STX12: variants seen among roughly 807,000 people sequenced by gnomAD.
The protein encoded by STX12 is syntaxin-12.
Under a neutral mutation model 42.2 loss-of-function variants are expected in STX12, and 17 were observed. The observed-to-expected ratio is 0.40, with a 90% CI of 0.28 to 0.60. The LOEUF is 0.60. Ranked by LOEUF, STX12 falls within the 20% of genes least tolerant of loss-of-function variation. The pLI, the probability that STX12 is intolerant of heterozygous loss-of-function variation, is 0.39. For synonymous variants in STX12, 108 were observed against 116.7 expected (o/e 0.93, Z 0.48); for missense variants, 297 against 330.9 (o/e 0.90, Z 0.79).
At chr1:27,807,793 C>G (rs551201887) in intron 4 of STX12, among the ~76,000 whole-genome samples, 1 of 152,204 alleles carries the variant, frequency 6.6e-6, no homozygotes, top group South Asian at 2.1e-4. Context: ...AGATGTCTGT[C>G]AACTGTAGAA....
At chr1:27,812,452 T>G (rs2088909739) in intron 6 of STX12, among the ~76,000 whole-genome samples, 184 bp downstream of exon 6, 1 of 151,954 alleles carries the variant, frequency 6.6e-6, no homozygotes, top group African/African-American at 2.4e-5. Context: ...TGTTTTTTTT[T>G]TTATCTTGGA....
At chr1:27,774,430 G>A (rs138518627) in intron 1 of STX12, among the ~76,000 whole-genome samples, 6 of 152,282 alleles carry the variant, frequency 3.9e-5, no homozygotes, top group Admixed American at 1.3e-4. Context: ...TGAGCTTGGC[G>A]TACTCTGTTA....
At chr1:27,800,488 G>GGTGTGTGTGT (rs57488710) in intron 3 of STX12, among the ~76,000 whole-genome samples, 2 of 140,886 alleles carry the variant, frequency 1.4e-5, no homozygotes, top group Non-Finnish European at 3.1e-5. Context: ...GTCAGTATGT[G>GGTGTGTGTGT]GTGTGTGTGT....
intron 7 of STX12, chr1:27,818,181 G>A: frequency 2.8e-6 from 1 of 362,348 alleles, no homozygotes; most frequent in Non-Finnish European, 5.1e-6. Context: ...AGGAGATGGA[G>A]ACCATCCTGG....
chr1:27,815,691 C>A (rs1026546970), intron 6 of STX12, among the ~76,000 whole-genome samples: 1 of 152,218 alleles, frequency 6.6e-6, no homozygotes, highest in Non-Finnish European at 1.5e-5. Context: ...ACAAGACTTG[C>A]TTTAGCAGAT....
chr1:27,794,394 T>C (rs1415354757), intron 3 of STX12, among the ~76,000 whole-genome samples: 1 of 152,256 alleles, frequency 6.6e-6, no homozygotes, highest in Non-Finnish European at 1.5e-5. Context: ...GTTTTGCAGT[T>C]ACCTTCATGT....
intron 3 of STX12, among the ~76,000 whole-genome samples, chr1:27,799,078 ATTG>A (rs2088809354): frequency 6.6e-6 from 1 of 152,136 alleles, no homozygotes; most frequent in Non-Finnish European, 1.5e-5. Flanking sequence ...CCTCCCCGTT[ATTG>A]TTATAATTTT....
rs184935154 is a variant in STX12 at position 27,823,901 on chromosome 1, G to C, written c.*1572G>C. The C allele has an allele frequency of 6.6e-6, 1 of 152,336 alleles. No individual in the cohort carries two copies. Among genetic ancestry groups the C allele is most frequent in the East Asian group, 1.9e-4 (1 of 5,184 alleles). The allele number at this position is 152,336 out of a possible 1,614,324, so 9.4% of individuals were successfully genotyped here. ...TTGGTTTGGAGACGGAATAGGTGTA[G>C]CTGCCTTTCCTTGAAAAACAGTGTG... On this transcript the variant is annotated 3_prime_UTR_variant, in exon 9 of 9. Transcript: ENST00000373943.
intron 6 of STX12, among the ~76,000 whole-genome samples, chr1:27,814,632 TGAGGTCTG>T (rs1418633634): frequency 6.6e-6 from 1 of 152,174 alleles, no homozygotes; most frequent in East Asian, 1.9e-4. Flanking sequence ...GTGGCTCACC[TGAGGTCTG>T]GAGTTCAAGA....
chr1:27,777,705 T>C (rs910894728), intron 1 of STX12, among the ~76,000 whole-genome samples: 4 of 151,840 alleles, frequency 2.6e-5, no homozygotes, highest in African/African-American at 9.7e-5. Flanking sequence ...GCCAATATGG[T>C]GAAACCCTGT....
At chr1:27,787,203 G>A (rs745617244) in intron 1 of STX12, among the ~76,000 whole-genome samples, 6 of 152,078 alleles carry the variant, frequency 3.9e-5, no homozygotes, top group Non-Finnish European at 5.9e-5. Flanking sequence ...TACTTGACTC[G>A]GGAAATGTTT....
At chr1:27,808,167 AAAC>A (rs2088877092) in intron 4 of STX12, among the ~76,000 whole-genome samples, 1 of 152,074 alleles carries the variant, frequency 6.6e-6, no homozygotes, top group Non-Finnish European at 1.5e-5. Flanking sequence ...AAAAAGAAAA[AAAC>A]AAACCAAAAA....
intron 1 of STX12, among the ~76,000 whole-genome samples, chr1:27,786,055 C>T (rs1228819280): frequency 6.6e-6 from 1 of 152,150 alleles, no homozygotes; most frequent in Non-Finnish European, 1.5e-5. Flanking sequence ...TGGCACATTC[C>T]ACTGCAGTTA....
chr1:27,799,370 C>T (rs74065624), intron 3 of STX12, among the ~76,000 whole-genome samples: 7,675 of 152,130 alleles, frequency 0.05, 414 homozygotes, highest in East Asian at 0.25. Context: ...CAGGTCTCAT[C>T]ACAGACTAAT....
In STX12 at chr1:27,819,666, T is replaced by C. The variant is rs1256898158; in HGVS notation, c.666T>C (p.Asn222=). The change falls in exon 8 of 9, where the codon AAT becomes AAC. Residue 222 remains asparagine (N), a synonymous_variant. Coordinates refer to ENST00000373943, the MANE Select transcript of STX12 (RefSeq NM_177424.3). The part of the protein sequence containing the change: ...QGDLIDSIEA[N]VESSEVHVER... The stretch of plus-strand genomic sequence containing the variant: ...CTTTTGCAGATAGCATAGAAGCCAA[T>C]GTGGAAAGCTCAGAGGTGCACGTCG... 1.9e-6 allele frequency: 3 copies of C among 1,613,770 alleles called. No homozygotes were observed. Among genetic ancestry groups the C allele is most frequent in the South Asian group, 2.2e-5 (2 of 91,080 alleles).
At chr1:27,793,407 T>TA in intron 2 of STX12, 126 bp from the exon 3 acceptor site, 1 of 716,178 alleles carries the variant, frequency 1.4e-6, no homozygotes, top group Non-Finnish European at 2.3e-6. Flanking sequence ...CCTGGGCATC[T>TA]AGGGACTCAT....
chr1:27,783,422 C>A (rs1445548037), intron 1 of STX12, among the ~76,000 whole-genome samples: 1 of 152,122 alleles, frequency 6.6e-6, no homozygotes, highest in Non-Finnish European at 1.5e-5. Flanking sequence ...GCAACCTCCG[C>A]TCCCGGGTTC....
chr1:27,797,650 C>CGAAG (rs1424793585), intron 3 of STX12, among the ~76,000 whole-genome samples: 1 of 152,108 alleles, frequency 6.6e-6, no homozygotes, highest in Non-Finnish European at 1.5e-5. Flanking sequence ...AACCCCTTCA[C>CGAAG]CTCTAAGTGC....
chr1:27,819,264 G>A (rs1193134661), intron 7 of STX12, among the ~76,000 whole-genome samples: 5 of 126,188 alleles, frequency 4.0e-5, no homozygotes, highest in South Asian at 2.4e-4. Context: ...GTGAGATCCC[G>A]TCTCTTAAAA....
Sources: gnomAD v4.1 joint callset for allele counts (sites outside exome capture counted in the v4.1 genomes callset) on GRCh38, gnomAD v4.1.1 for gene constraint, MANE v1.5 for transcripts, NCBI Gene and HGNC (gene_info 2026-07-23, HGNC 2026-07-21) for gene names.